NAA60: variants seen among roughly 807,000 people sequenced by gnomAD.
The protein encoded by NAA60 is N-alpha-acetyltransferase 60.
Under a neutral mutation model 26.1 loss-of-function variants are expected in NAA60, and 8 were observed. That is an observed-to-expected ratio of 0.31 (90% CI 0.18 to 0.55). The LOEUF is 0.55. Ranked by LOEUF, NAA60 falls within the 20% of genes least tolerant of loss-of-function variation. The probability of loss-of-function intolerance (pLI) is 0.93; values close to 1 mark genes in which losing one functional copy is unlikely to be tolerated. For synonymous variants in NAA60, 131 were observed against 122.5 expected, an observed-to-expected ratio of 1.07 and a Z score of -0.46; for missense variants, 290 against 311.3, an observed-to-expected ratio of 0.93 and a Z score of 0.51.
chr16:3,465,363 G>A (rs1596316663), intron 2 of NAA60, among the ~76,000 whole-genome samples: 1 of 151,216 alleles, frequency 6.6e-6, no homozygotes, highest in East Asian at 1.9e-4. Context: ...TCTGGTCCCC[G>A]GTTTAGCGTT....
chr16:3,466,046 A>C (rs746383141), intron 2 of NAA60, among the ~76,000 whole-genome samples: 1 of 152,210 alleles, frequency 6.6e-6, no homozygotes, highest in African/African-American at 2.4e-5. Flanking sequence ...CATGCAGCCA[A>C]GTGCACAGCT....
chr16:3,483,679 T>C, intron 6 of NAA60, 82 bp downstream of exon 6: 1 of 1,088,458 alleles, frequency 9.2e-7, no homozygotes, highest in Non-Finnish European at 1.4e-6. Flanking sequence ...GGAGCTGTGG[T>C]CCCCCTCAGA....
chr16:3,465,449 A>G (rs2035691227), intron 2 of NAA60, among the ~76,000 whole-genome samples: 1 of 152,050 alleles, frequency 6.6e-6, no homozygotes, highest in African/African-American at 2.4e-5. Context: ...GCCACTTCTG[A>G]CACTGACTGA....
At chr16:3,446,685 A>G (rs2034570541) in intron 1 of NAA60, among the ~76,000 whole-genome samples, 1 of 149,404 alleles carries the variant, frequency 6.7e-6, no homozygotes. Flanking sequence ...ATCTCTGCTC[A>G]CTGCAACTTC....
At chr16:3,459,857 A>G (rs2035263559) in intron 2 of NAA60, among the ~76,000 whole-genome samples, 1 of 152,172 alleles carries the variant, frequency 6.6e-6, no homozygotes, top group Non-Finnish European at 1.5e-5. Context: ...GACAGTATGG[A>G]GAGTATCTTT....
At chr16:3,450,556 C>T (rs745548650) in intron 2 of NAA60, among the ~76,000 whole-genome samples, 16 of 151,724 alleles carry the variant, frequency 1.1e-4, no homozygotes, top group Non-Finnish European at 2.2e-4. Context: ...AAAAATTAGC[C>T]GAGCGTGGTG....
In NAA60 at chr16:3,484,886, C is replaced by G; in HGVS notation, c.*31C>G. ...GCTGGGCAGCCGCCACCAGGCCCCA[C>G]CCTTCGGCCGCCCGCAGAGCCCGCC... On this transcript the variant is annotated 3_prime_UTR_variant, in exon 7 of 8. Transcript: ENST00000407558. 1 of 1,551,048 alleles carries G rather than the reference C, an allele frequency of 6.4e-7. No individual in the cohort carries two copies. Among genetic ancestry groups the G allele is most frequent in the Non-Finnish European group, 8.7e-7 (1 of 1,147,580 alleles).
chr16:3,450,348 G>T (rs1268768421), intron 2 of NAA60, among the ~76,000 whole-genome samples: 1 of 152,110 alleles, frequency 6.6e-6, no homozygotes, highest in Non-Finnish European at 1.5e-5. Context: ...ATGTTCTCAG[G>T]GTCTGCCTAG....
intron 5 of NAA60, 99 bp from the exon 6 acceptor site, chr16:3,483,264 A>C (rs1302915359): frequency 2.3e-6 from 2 of 874,100 alleles, no homozygotes; most frequent in East Asian, 5.3e-5. Context: ...CGGTGGGCCG[A>C]GACATCTCCG....
intron 2 of NAA60, among the ~76,000 whole-genome samples, chr16:3,474,261 A>G (rs578043066): frequency 1.3e-5 from 2 of 152,328 alleles, no homozygotes; most frequent in African/African-American, 4.8e-5. Context: ...TCCCAGGTCA[A>G]GGGGATACCC....
chr16:3,472,202 C>G (rs535206136), intron 2 of NAA60: 2 of 152,360 alleles, frequency 1.3e-5, no homozygotes, highest in Admixed American at 1.3e-4. Context: ...TATGTCAGTG[C>G]CAGCCACGTG....
intron 1 of NAA60, 189 bp downstream of exon 1, chr16:3,444,026 AGGTT>A: frequency 2.6e-6 from 3 of 1,154,124 alleles, no homozygotes; most frequent in Non-Finnish European, 3.4e-6. Flanking sequence ...GGTGTAGGCC[AGGTT>A]GCTGGACTCT....
At chr16:3,446,462 C>T (rs371102942) in intron 1 of NAA60, among the ~76,000 whole-genome samples, 5 of 140,366 alleles carry the variant, frequency 3.6e-5, no homozygotes, top group African/African-American at 8.0e-5. Context: ...ACCTGGGAGG[C>T]GGAGCTTGCA....
intron 1 of NAA60, among the ~76,000 whole-genome samples, chr16:3,445,607 C>A (rs111269430): frequency 1.3e-3 from 198 of 152,178 alleles, no homozygotes; most frequent in African/African-American, 4.4e-3. Context: ...AGCACTGTCT[C>A]ATTGTGGTCT....
At chr16:3,468,180 C>G (rs1453659798) in intron 2 of NAA60, 1 of 152,198 alleles carries the variant, frequency 6.6e-6, no homozygotes, top group African/African-American at 2.4e-5. Context: ...CAAAGTTGCA[C>G]TCCTATATAA....
intron 2 of NAA60, among the ~76,000 whole-genome samples, chr16:3,449,234 G>T (rs911952537): frequency 2.0e-5 from 3 of 151,966 alleles, no homozygotes; most frequent in African/African-American, 7.3e-5. Flanking sequence ...ATGTAGCCGG[G>T]TGTGCTGGGC....
intron 2 of NAA60, among the ~76,000 whole-genome samples, chr16:3,455,145 G>A (rs1026282375): frequency 7.2e-5 from 11 of 152,084 alleles, no homozygotes; most frequent in African/African-American, 2.2e-4. Flanking sequence ...TCGGCCTCCC[G>A]GGTTCAAGCC....
rs371277252 is a variant in NAA60 at position 3,452,240 on chromosome 16, A to G, written c.-7+3700A>G. On this transcript the variant is annotated intron_variant, in intron 2 of 7. Coordinates refer to ENST00000407558, the MANE Select transcript of NAA60 (RefSeq NM_001083601.3). ...AAAAATTAAAAAAGACTAATTCCCT[A>G]TGTTGGTGAGGCTGCGGGCCATTTG... Among the ~76,000 whole-genome samples, 6 of 152,084 alleles carry G rather than the reference A, an allele frequency of 3.9e-5. No individual in the cohort carries two copies. In the South Asian group the frequency reaches 8.3e-4, roughly 21 times the overall value.
intron 2 of NAA60, chr16:3,449,890 T>C (rs2034706603): frequency 5.1e-6 from 2 of 388,762 alleles, no homozygotes; most frequent in African/African-American, 2.1e-5. Flanking sequence ...ATGTGAGACA[T>C]GCCTTTTACC....
Sources: allele counts gnomAD v4.1 joint callset (sites outside exome capture counted in the v4.1 genomes callset), GRCh38; gene constraint gnomAD v4.1.1; transcripts MANE v1.5; gene names NCBI Gene and HGNC (gene_info 2026-07-23, HGNC 2026-07-21).